FLNB: variants seen among roughly 807,000 people sequenced by gnomAD.
FLNB encodes the protein filamin B.
A neutral mutation model predicts 250.6 loss-of-function variants in FLNB; 111 were observed. The observed-to-expected ratio is 0.44, with a 90% CI of 0.38 to 0.52. The LOEUF (loss-of-function observed/expected upper bound fraction) is 0.52, where lower values mean the gene tolerates loss of function less well. Among genes scored for constraint, FLNB ranks in the 20% least tolerant of loss-of-function variants. FLNB has a pLI of 0.00. For missense variants in FLNB, 2,869 were observed against 3,447.8 expected (o/e 0.83, Z 4.20); for synonymous variants, 1,302 against 1,372.1 (o/e 0.95, Z 1.13).
chr3:58,104,942 A>C, intron 10 of FLNB, 138 bp from the exon 11 acceptor site: 2 of 1,044,560 alleles, frequency 1.9e-6, no homozygotes, highest in South Asian at 2.5e-5. Flanking sequence ...TGCAGGAGGA[A>C]GGGCTTGGCT....
At chr3:58,109,505 A>C in intron 14 of FLNB, 71 bp from the exon 15 acceptor site, 1 of 1,612,292 alleles carries the variant, frequency 6.2e-7, no homozygotes, top group East Asian at 2.2e-5. Flanking sequence ...ATTTCTAACA[A>C]TGTTTTTTAA....
chr3:58,039,199 A>C (rs896050022), intron 1 of FLNB, among the ~76,000 whole-genome samples: 84 of 150,372 alleles, frequency 5.6e-4, no homozygotes, highest in African/African-American at 1.9e-3. Context: ...TCTACAGGAA[A>C]AAAAAAAAAA....
At chr3:58,098,108 C>G (rs1474813374) in intron 7 of FLNB, 131 bp downstream of exon 7, 1 of 1,003,096 alleles carries the variant, frequency 1.0e-6, no homozygotes. Flanking sequence ...ACAATTTTTT[C>G]AAATGTGTTA....
At chr3:58,014,510 C>G (rs553322383) in intron 1 of FLNB, among the ~76,000 whole-genome samples, 4 of 152,252 alleles carry the variant, frequency 2.6e-5, no homozygotes, top group Non-Finnish European at 4.4e-5. Context: ...CAGCCGCCTT[C>G]GTTCTTGGAG....
intron 4 of FLNB, among the ~76,000 whole-genome samples, chr3:58,093,453 T>A (rs1034560770): frequency 1.2e-4 from 19 of 152,176 alleles, no homozygotes; most frequent in Admixed American, 9.2e-4. Flanking sequence ...AAGCTTCTGA[T>A]CATGACTTGG....
chr3:58,130,837 T>C lies in FLNB; in HGVS notation c.4319T>C (p.Leu1440Pro), dbSNP rs754634696. ...GGCTCAGGCGTCCGAGCCCGTGTCC[T>C]GCAGTCCTTCACGGTGGACAGCAGC... Reference protein sequence around the residue: ...GLGSGVRARVLQSFTVDSSKA... With the variant: ...GLGSGVRARVPQSFTVDSSKA... Residue 1440 changes from leucine (L) to proline (P), a missense_variant, in exon 25 of 46, where the codon CTG becomes CCG. Leu to Pro is a moderately conservative substitution (Grantham distance 98, BLOSUM62 -3). Transcript: ENST00000295956. 6.2e-7 allele frequency: 1 copy of C among 1,613,590 alleles called. No homozygotes were observed. Among genetic ancestry groups the C allele is most frequent in the Non-Finnish European group, 8.5e-7 (1 of 1,179,876 alleles).
chr3:58,169,885 G>A lies in FLNB; in HGVS notation c.7621+92G>A. On this transcript the variant is annotated intron_variant, in intron 45 of 45. Coordinates refer to ENST00000295956, the MANE Select transcript of FLNB (RefSeq NM_001457.4). The surrounding 1 kb of genome is among the most constrained non-coding windows in gnomAD (Gnocchi z 4.8). ...GCCTTCCCTGCTGAGGTCTCCTGCA[G>A]TGCCCACCCCCATGTAGGCCAGCCG... The A allele has an allele frequency of 1.0e-6, 1 of 983,410 alleles. No homozygotes were observed. Among genetic ancestry groups the A allele is most frequent in the Non-Finnish European group, 1.6e-6 (1 of 640,908 alleles). 60.9% of individuals were successfully genotyped at this position (983,410 alleles called of 1,614,324 possible).
At chr3:58,065,549 G>C (rs941341619) in intron 1 of FLNB, among the ~76,000 whole-genome samples, 3 of 152,220 alleles carry the variant, frequency 2.0e-5, no homozygotes, top group Admixed American at 1.3e-4. Context: ...CCCTCACAGG[G>C]TCATTGTGAG....
intron 1 of FLNB, among the ~76,000 whole-genome samples, chr3:58,065,773 C>T (rs1202738288): frequency 6.6e-6 from 1 of 152,256 alleles, no homozygotes; most frequent in African/African-American, 2.4e-5. Context: ...CCAGACTGAG[C>T]TCACAGGAGC....
chr3:58,063,156 A>G (rs973901505), intron 1 of FLNB, among the ~76,000 whole-genome samples: 1 of 152,170 alleles, frequency 6.6e-6, no homozygotes, highest in African/African-American at 2.4e-5. Flanking sequence ...CTGACGCCCC[A>G]GCAGGACGTC....
rs765848529 is a variant in FLNB, at chr3:58,134,604, G to T, written c.4515-12G>T. On this transcript the variant is annotated splice_polypyrimidine_tract_variant and intron_variant, in intron 26 of 45. Transcript: ENST00000295956. ...TTTATTGACTAGGGTGTGTGTGTGTGTGTCTATCAAGTCCCTTCAAGGTCA... is the reference window on the plus strand; with the variant it reads ...TTTATTGACTAGGGTGTGTGTGTGTTTGTCTATCAAGTCCCTTCAAGGTCA... 2.5e-6 allele frequency: 4 copies of T among 1,613,798 alleles called. No homozygotes were observed. In the Admixed American group the frequency reaches 5.0e-5, roughly 20 times the overall value.
In FLNB at chr3:58,118,977, G is replaced by A. The variant is rs1459189102; in HGVS notation, c.2851G>A (p.Gly951Arg). 3.7e-6 allele frequency: 6 copies of A among 1,612,986 alleles called. No homozygotes were observed. The highest frequency in any genetic ancestry group is 5.1e-6 in the Non-Finnish European group (6 of 1,178,952). Residue 951 changes from glycine to arginine, a missense_variant, in exon 19 of 46, where the codon GGG becomes AGG. Around this residue, in one of 5 missense-constraint regions of FLNB, gnomAD observed 1,348 missense variants for 1,466.7 expected, o/e 0.92. Coordinates refer to ENST00000295956, the MANE Select transcript of FLNB (RefSeq NM_001457.4). ...GGATCTGAGCAAGATAAAACTCAAT[G>A]GGCTGGAAAACAGTAAGTGCCTGAA... ...PLDLSKIKLN[G>R]LENRVEVGKD... is the part of the protein sequence containing the mutation.
chr3:58,081,573 T>A, intron 3 of FLNB, 56 bp from the exon 4 acceptor site: 1 of 1,565,994 alleles, frequency 6.4e-7, no homozygotes, highest in Non-Finnish European at 8.8e-7. Flanking sequence ...TGCAAACACT[T>A]CAATAGTTGC....
chr3:58,122,198 AAAC>A (rs2097290148), intron 20 of FLNB, among the ~76,000 whole-genome samples: 2 of 149,392 alleles, frequency 1.3e-5, no homozygotes, highest in Admixed American at 6.7e-5. Flanking sequence ...CCACAAAAAA[AAAC>A]ATTATTCTTG....
In FLNB at chr3:58,021,145, G is replaced by T. The variant is rs114912483; in HGVS notation, c.292+12289G>T. Reference sequence around the variant, plus strand: ...ATTCCAGGGACACAAGAATGGTTTGGCATCTACAGCCTATTGTGGGAGCAG... The same window carrying T: ...ATTCCAGGGACACAAGAATGGTTTGTCATCTACAGCCTATTGTGGGAGCAG... On this transcript the variant is annotated intron_variant, in intron 1 of 45. Transcript: ENST00000295956. Among the ~76,000 whole-genome samples the T allele has an allele frequency of 5.8e-3, 882 of 152,280 alleles. 9 individuals are homozygous for T. Among genetic ancestry groups the T allele is most frequent in the African/African-American group, 0.02 (832 of 41,562 alleles).
intron 22 of FLNB, 29 bp from the exon 23 acceptor site, chr3:58,125,552 T>A: frequency 1.2e-6 from 2 of 1,612,926 alleles, no homozygotes; most frequent in Non-Finnish European, 1.7e-6. Flanking sequence ...TGTATGCAAA[T>A]ATGCGTTTCT....
intron 1 of FLNB, among the ~76,000 whole-genome samples, chr3:58,029,178 C>T (rs2097127424): frequency 6.6e-6 from 1 of 152,106 alleles, no homozygotes; most frequent in Non-Finnish European, 1.5e-5. Flanking sequence ...TTCTCTTTTC[C>T]TAAAAGCTGA....
At chr3:58,155,027 A>ATC in intron 40 of FLNB, 99 bp downstream of exon 40, 1 of 1,201,422 alleles carries the variant, frequency 8.3e-7, no homozygotes, top group Non-Finnish European at 1.2e-6. Flanking sequence ...TCAATGAGGA[A>ATC]TCTATGTGTA....
At chr3:58,163,496 G>T (rs1481736678) in intron 43 of FLNB, 166 bp downstream of exon 43, 2 of 670,726 alleles carry the variant, frequency 3.0e-6, no homozygotes, top group Non-Finnish European at 5.1e-6. Flanking sequence ...TTTGGGAGTT[G>T]CGGTTTGACC....
Sources: gnomAD v4.1 joint callset for allele counts (sites outside exome capture counted in the v4.1 genomes callset) on GRCh38, gnomAD v4.1.1 for gene constraint, gnomAD v4.1.1 regional missense constraint, Gnocchi (gnomAD v3.1) non-coding constraint, MANE v1.5 for transcripts, NCBI Gene and HGNC (gene_info 2026-07-23, HGNC 2026-07-21) for gene names.